MYO1E: variants seen among roughly 807,000 people sequenced by gnomAD.
MYO1E encodes the protein myosin IE, also known as unconventional myosin-Ie.
In MYO1E, 68 loss-of-function variants were observed where a neutral mutation model predicts 151.1. The ratio of observed to expected loss-of-function variants is 0.45; its 90% CI spans 0.37 to 0.55. The LOEUF is 0.55. Ranked by LOEUF, MYO1E falls within the 20% of genes least tolerant of loss-of-function variation. The pLI is 0.00. For missense variants in MYO1E, 1,363 were observed against 1,389.3 expected, an observed-to-expected ratio of 0.98 and a Z score of 0.30; for synonymous variants, 601 against 501.7, an observed-to-expected ratio of 1.20 and a Z score of -2.64.
intron 2 of MYO1E, 199 bp downstream of exon 2, chr15:59,272,107 C>G (rs112612206): frequency 1.9e-5 from 11 of 582,734 alleles, no homozygotes; most frequent in Middle Eastern, 4.7e-4. Context: ...AATAAAGCCA[C>G]AAGTTCAGTT....
intron 2 of MYO1E, among the ~76,000 whole-genome samples, chr15:59,263,883 T>A (rs1325745424): frequency 6.6e-5 from 10 of 152,034 alleles, no homozygotes. Flanking sequence ...AATGATAGAT[T>A]AGTGAAAATT....
intron 1 of MYO1E, among the ~76,000 whole-genome samples, chr15:59,290,140 G>A (rs1280739920): frequency 2.6e-5 from 4 of 152,236 alleles, no homozygotes; most frequent in Admixed American, 1.3e-4. Context: ...TGGTGACAGA[G>A]TGTGTGTGTC....
chr15:59,372,389 C>T (rs2080952204), intron 1 of MYO1E, 109 bp downstream of exon 1: 13 of 1,373,508 alleles, frequency 9.5e-6, no homozygotes, highest in African/African-American at 4.3e-5. Context: ...CCCGCGTCCA[C>T]CTTCTCCACC....
rs191809802 is a variant in MYO1E at position 59,167,556 on chromosome 15, C to T, written c.2481-4253G>A. Among the ~76,000 whole-genome samples, 696 of 152,346 alleles carry T rather than the reference C, an allele frequency of 4.6e-3. 10 individuals are homozygous for T. Among genetic ancestry groups the T allele is most frequent in the Non-Finnish European group, 4.0e-3 (271 of 68,022 alleles). ...AAACCCAGGCATGGCCTTCTGCCAG[C>T]AGCCACCATACACTCAGAAATCCCG... On this transcript the variant is annotated intron_variant, in intron 22 of 27. Transcript: ENST00000288235.
At chr15:59,205,140 T>C (rs1315214305) in intron 15 of MYO1E, among the ~76,000 whole-genome samples, 1 of 152,092 alleles carries the variant, frequency 6.6e-6, no homozygotes, top group Non-Finnish European at 1.5e-5. Flanking sequence ...ATCACAGGTG[T>C]TTTGTTTTGT....
chr15:59,224,974 A>T, intron 7 of MYO1E, 151 bp from the exon 8 acceptor site: 2 of 1,023,806 alleles, frequency 2.0e-6, no homozygotes, highest in South Asian at 1.4e-5. Context: ...TACTTGTAGT[A>T]GCCCCAGGTC....
intron 1 of MYO1E, 28 bp from the exon 2 acceptor site, chr15:59,272,477 G>C: frequency 6.2e-7 from 1 of 1,612,796 alleles, no homozygotes; most frequent in Non-Finnish European, 8.5e-7. Context: ...ACAATTACTA[G>C]GATAGTTTGT....
intron 1 of MYO1E, among the ~76,000 whole-genome samples, chr15:59,273,582 A>T (rs2080300800): frequency 6.6e-6 from 1 of 152,204 alleles, no homozygotes; most frequent in Non-Finnish European, 1.5e-5. Flanking sequence ...CCAGAAAAGG[A>T]GCCATTTGAA....
intron 26 of MYO1E, among the ~76,000 whole-genome samples, chr15:59,147,233 G>A (rs1398252127): frequency 6.6e-5 from 10 of 152,198 alleles, no homozygotes; most frequent in African/African-American, 2.2e-4. Flanking sequence ...AATTCCCTCT[G>A]CCCTAGCAAT....
chr15:59,214,707 G>A lies in MYO1E; in HGVS notation c.1121C>T (p.Ala374Val). The A allele has an allele frequency of 1.2e-6, 2 of 1,612,946 alleles. No homozygotes were observed. Among genetic ancestry groups the A allele is most frequent in the South Asian group, 2.2e-5 (2 of 91,042 alleles). ...GTATTCTTCATGGTCTTTCTCCATGGCTTTATTGATGGACTAGAGAAAGTA... is the reference window on the plus strand; with the variant it reads ...GTATTCTTCATGGTCTTTCTCCATGACTTTATTGATGGACTAGAGAAAGTA... ...FDFLVDSINK[A>V]MEKDHEEYNI... The change falls in exon 11 of 28, where the codon GCC becomes GTC. Residue 374 changes from alanine (A) to valine (V), a missense_variant. Coordinates refer to ENST00000288235, the MANE Select transcript of MYO1E (RefSeq NM_004998.4).
In MYO1E at chr15:59,214,198, G is replaced by A. The variant is rs1437814050; in HGVS notation, c.1275+30C>T. 2.6e-6 allele frequency: 4 copies of A among 1,531,730 alleles called. No homozygotes were observed. The African/African-American group carries it at 4.1e-5, about 16-fold the overall frequency. The allele number at this position is 1,531,730 out of a possible 1,614,324, so 94.9% of individuals were successfully genotyped here. ...TCTTAAACAAAATAAATTATAAATAGAATAGGATGAAGGAAGAGGGACTGC... is the reference window on the plus strand; with the variant it reads ...TCTTAAACAAAATAAATTATAAATAAAATAGGATGAAGGAAGAGGGACTGC... On this transcript the variant is annotated intron_variant, in intron 12 of 27. Coordinates refer to ENST00000288235, the MANE Select transcript of MYO1E (RefSeq NM_004998.4).
At position 59,149,482 on chromosome 15, in the gene MYO1E, G is replaced by C. The variant is rs16941067; in HGVS notation, c.3080+4108C>G. On this transcript the variant is annotated intron_variant, in intron 26 of 27. Coordinates refer to ENST00000288235, the MANE Select transcript of MYO1E (RefSeq NM_004998.4). ...TCGATGGCAAGATCCTGATTCCCACGCAGATCTCTCAGTGTTTCCTGGAGA... is the reference window on the plus strand; with the variant it reads ...TCGATGGCAAGATCCTGATTCCCACCCAGATCTCTCAGTGTTTCCTGGAGA... Among the ~76,000 whole-genome samples the C allele has an allele frequency of 1.2e-3, 183 of 152,220 alleles. 1 individual carries two copies. Among genetic ancestry groups the C allele is most frequent in the African/African-American group, 4.3e-3 (178 of 41,538 alleles).
At chr15:59,355,431 T>A (rs1397689177) in intron 1 of MYO1E, among the ~76,000 whole-genome samples, 1 of 152,132 alleles carries the variant, frequency 6.6e-6, no homozygotes, top group Non-Finnish European at 1.5e-5. Flanking sequence ...GGGAGGCTAT[T>A]TCTTTTACCC....
intron 16 of MYO1E, among the ~76,000 whole-genome samples, chr15:59,199,895 G>A (rs2079790615): frequency 6.6e-6 from 1 of 152,196 alleles, no homozygotes; most frequent in African/African-American, 2.4e-5. Context: ...TACTGGGAGA[G>A]ACTTTTATTC....
At position 59,191,796 on chromosome 15, in the gene MYO1E, C is replaced by T. The variant is rs117894706; in HGVS notation, c.1806-3580G>A. 9.2e-5 allele frequency among the ~76,000 whole-genome samples: 14 copies of T among 152,288 alleles called. No homozygotes were observed. The East Asian group carries it at 2.3e-3, about 25-fold the overall frequency. Reference sequence around the variant, plus strand: ...GGAGCACTGTCACCTCCTCAGTAGTCGTTGATCAGACAATGCCCAGTTGTT... The same window carrying T: ...GGAGCACTGTCACCTCCTCAGTAGTTGTTGATCAGACAATGCCCAGTTGTT... On this transcript the variant is annotated intron_variant, in intron 17 of 27. Transcript: ENST00000288235.
At chr15:59,208,079 A>G in intron 14 of MYO1E, 1 of 1,569,972 alleles carries the variant, frequency 6.4e-7, no homozygotes, top group Non-Finnish European at 8.6e-7. Context: ...AATAAGCTTA[A>G]GCTTTAAAGT....
intron 6 of MYO1E, among the ~76,000 whole-genome samples, chr15:59,230,549 T>A (rs957867464): frequency 1.3e-5 from 2 of 152,176 alleles, no homozygotes; most frequent in African/African-American, 4.8e-5. Context: ...GTGGAAAATT[T>A]GTTTAATTCT....
At chr15:59,316,150 G>T (rs2080587455) in intron 1 of MYO1E, among the ~76,000 whole-genome samples, 1 of 152,112 alleles carries the variant, frequency 6.6e-6, no homozygotes. Flanking sequence ...GAAATTCTTG[G>T]GCCAGAGTGC....
At chr15:59,265,451 A>T (rs2080247569) in intron 2 of MYO1E, among the ~76,000 whole-genome samples, 1 of 152,180 alleles carries the variant, frequency 6.6e-6, no homozygotes, top group African/African-American at 2.4e-5. Flanking sequence ...ATTTTTCACC[A>T]AGTAGATTAC....
Sources: allele counts gnomAD v4.1 joint callset (sites outside exome capture counted in the v4.1 genomes callset), GRCh38; gene constraint gnomAD v4.1.1; transcripts MANE v1.5; gene names NCBI Gene and HGNC (gene_info 2026-07-23, HGNC 2026-07-21).